Variants in AIG1 observed in about 807,000 individuals in gnomAD.
The protein encoded by AIG1 is androgen induced 1, also known as androgen-induced gene 1 protein.
Under a neutral mutation model 31.4 loss-of-function variants are expected in AIG1, and 23 were observed. That is an observed-to-expected ratio of 0.73 (90% CI 0.53 to 1.04). AIG1 has a LOEUF of 1.04. AIG1 is among the 50% of genes least tolerant of loss of function. The probability of loss-of-function intolerance (pLI) is 0.00; values close to 1 mark genes in which losing one functional copy is unlikely to be tolerated. For synonymous variants in AIG1, 100 were observed against 110.5 expected (o/e 0.90, Z 0.60); for missense variants, 274 against 295.0 (o/e 0.93, Z 0.52).
rs191122029 is a variant in AIG1 at position 143,270,016 on chromosome 6, G to T, written c.400-14094G>T. ...GTTTATATAGTGAAGGAAGAAGAAGGAAGGGCAGATGTAAACACTGGATAC... is the reference window on the plus strand; with the variant it reads ...GTTTATATAGTGAAGGAAGAAGAAGTAAGGGCAGATGTAAACACTGGATAC... On this transcript the variant is annotated intron_variant, in intron 3 of 5. Transcript: ENST00000357847. Among the ~76,000 whole-genome samples the T allele has an allele frequency of 2.2e-3, 341 of 152,326 alleles. 2 individuals are homozygous for T. The highest frequency in any genetic ancestry group is 7.7e-3 in the Admixed American group (117 of 15,294).
intron 1 of AIG1, among the ~76,000 whole-genome samples, chr6:143,111,660 A>T (rs1476225958): frequency 6.6e-6 from 1 of 152,194 alleles, no homozygotes; most frequent in African/African-American, 2.4e-5. Context: ...GGACCTCTCC[A>T]TTTGAGTGCC....
At chr6:143,342,273 G>A (rs73777708), downstream of AIG1, 833 of 686,170 alleles carry the variant, frequency 1.2e-3, 2 homozygotes, top group African/African-American at 0.012. Flanking sequence ...GGCGCAGAGA[G>A]GCTGGGGCTG....
intron 1 of AIG1, among the ~76,000 whole-genome samples, chr6:143,124,933 T>C (rs1386217722): frequency 6.6e-6 from 1 of 152,152 alleles, no homozygotes; most frequent in Non-Finnish European, 1.5e-5. Flanking sequence ...CAAGGTGAGA[T>C]TTTGGGTGGG....
chr6:143,267,566 T>C (rs183084801), intron 3 of AIG1, among the ~76,000 whole-genome samples: 36 of 152,272 alleles, frequency 2.4e-4, no homozygotes, highest in African/African-American at 8.4e-4. Context: ...CTCATCTTTT[T>C]CCCCTTCATC....
intron 1 of AIG1, among the ~76,000 whole-genome samples, chr6:143,103,436 A>C (rs915452011): frequency 3.3e-5 from 5 of 152,042 alleles, no homozygotes; most frequent in South Asian, 2.1e-4. Context: ...TAGAAGTACA[A>C]AGTTTTAGCA....
chr6:143,164,978 T>C, intron 2 of AIG1, 104 bp from the exon 3 acceptor site: 3 of 863,862 alleles, frequency 3.5e-6, no homozygotes, highest in Non-Finnish European at 5.6e-6. Context: ...TCTTTCATCA[T>C]AGATTCCAAA....
rs1368114470 is a variant in AIG1, at chr6:143,292,184, C to T, written c.515+7959C>T. ...AGGCAAAATAATGCTCACCACAAGCCCCCAAAGATATCCACATCCTAAAAT... is the reference window on the plus strand; with the variant it reads ...AGGCAAAATAATGCTCACCACAAGCTCCCAAAGATATCCACATCCTAAAAT... On this transcript the variant is annotated intron_variant, in intron 4 of 5. Transcript: ENST00000357847. The surrounding 1 kb of genome is among the most constrained non-coding windows in gnomAD (Gnocchi z 4.9). Among the ~76,000 whole-genome samples, 1 of 152,118 alleles carries T rather than the reference C, an allele frequency of 6.6e-6. No individual in the cohort carries two copies. Among genetic ancestry groups the T allele is most frequent in the Non-Finnish European group, 1.5e-5 (1 of 68,026 alleles).
chr6:143,146,401 G>T (rs1784713582), intron 2 of AIG1, among the ~76,000 whole-genome samples: 1 of 152,056 alleles, frequency 6.6e-6, no homozygotes, highest in Non-Finnish European at 1.5e-5. Context: ...GGGGACCAGG[G>T]ACAAGATGCA....
At chr6:143,155,572 T>C (rs951032120) in intron 2 of AIG1, among the ~76,000 whole-genome samples, 2 of 151,792 alleles carry the variant, frequency 1.3e-5, no homozygotes, top group African/African-American at 2.4e-5. Context: ...ACAAGCACAG[T>C]GTTGTGGGGG....
At chr6:143,155,212 C>T (rs1183806228) in intron 2 of AIG1, among the ~76,000 whole-genome samples, 7 of 152,110 alleles carry the variant, frequency 4.6e-5, no homozygotes, top group African/African-American at 1.4e-4. Flanking sequence ...AAGAGATAGA[C>T]TTGTCTCTGC....
intron 1 of AIG1, among the ~76,000 whole-genome samples, chr6:143,085,325 A>G (rs559751219): frequency 1.3e-5 from 2 of 152,182 alleles, no homozygotes; most frequent in East Asian, 1.9e-4. Flanking sequence ...TGTGGTCCTA[A>G]TGCTTATTCC....
At chr6:143,198,925 GCC>G (rs1234667732) in intron 3 of AIG1, among the ~76,000 whole-genome samples, 2 of 152,116 alleles carry the variant, frequency 1.3e-5, no homozygotes, top group Non-Finnish European at 2.9e-5. Context: ...ACAAATAGCA[GCC>G]TTTGCCATAC....
At chr6:143,286,387 C>T (rs533999722) in intron 4 of AIG1, among the ~76,000 whole-genome samples, 1 of 152,304 alleles carries the variant, frequency 6.6e-6, no homozygotes, top group South Asian at 2.1e-4. Context: ...CATGTATTTA[C>T]ATTAACCAGT....
chr6:143,242,090 C>G (rs1187532184), intron 3 of AIG1, among the ~76,000 whole-genome samples: 1 of 152,106 alleles, frequency 6.6e-6, no homozygotes, highest in Non-Finnish European at 1.5e-5. Flanking sequence ...CACGTCTCCC[C>G]CTCCAGGATA....
At chr6:143,224,119 A>C (rs1182698717) in intron 3 of AIG1, among the ~76,000 whole-genome samples, 2 of 151,760 alleles carry the variant, frequency 1.3e-5, no homozygotes, top group Non-Finnish European at 2.9e-5. Context: ...CAGGGTTTCA[A>C]CTCCTGCATC....
chr6:143,250,471 A>G (rs934885417), intron 3 of AIG1, among the ~76,000 whole-genome samples: 4 of 152,218 alleles, frequency 2.6e-5, no homozygotes, highest in African/African-American at 9.6e-5. Flanking sequence ...TATGAAAATA[A>G]CCTATTATGG....
At chr6:143,109,301 C>A (rs1325830944) in intron 1 of AIG1, among the ~76,000 whole-genome samples, 2 of 152,138 alleles carry the variant, frequency 1.3e-5, no homozygotes, top group Admixed American at 6.5e-5. Flanking sequence ...TTGTTTCCAA[C>A]TTTCAGCTAT....
rs1434675693 is a variant in AIG1 at position 143,280,078 on chromosome 6, CA to C, written c.400-4030del. ...AGACTTTGTAACCATCTCATTTATC[CA>C]AGGTGGATCTACATCTACCTGAAAA... On this transcript the variant is annotated intron_variant, in intron 3 of 5. Coordinates refer to ENST00000357847, the MANE Select transcript of AIG1 (RefSeq NM_016108.4). This position sits in a 1 kb window ranked among gnomAD's most constrained non-coding sequence, Gnocchi z 4.1. 2.0e-5 allele frequency among the ~76,000 whole-genome samples: 3 copies of C among 152,190 alleles called. No individual in the cohort carries two copies. Among genetic ancestry groups the C allele is most frequent in the Non-Finnish European group, 4.4e-5 (3 of 68,034 alleles).
At chr6:143,247,691 G>T (rs1794711269) in intron 3 of AIG1, among the ~76,000 whole-genome samples, 1 of 152,190 alleles carries the variant, frequency 6.6e-6, no homozygotes, top group South Asian at 2.1e-4. Context: ...AGAAACTGAA[G>T]CACAGAAAGG....
Sources: allele counts gnomAD v4.1 joint callset (sites outside exome capture counted in the v4.1 genomes callset), GRCh38; gene constraint gnomAD v4.1.1; non-coding constraint Gnocchi (gnomAD v3.1); transcripts MANE v1.5; gene names NCBI Gene and HGNC (gene_info 2026-07-23, HGNC 2026-07-21).